Variants in PRPF38A observed in about 807,000 individuals in gnomAD.
PRPF38A encodes pre-mRNA processing factor 38A, also known as pre-mRNA-splicing factor 38A.
Under a neutral mutation model 46.8 loss-of-function variants are expected in PRPF38A, and 11 were observed. That is an observed-to-expected ratio of 0.24 (90% confidence interval 0.15 to 0.39). PRPF38A has a LOEUF of 0.39. PRPF38A is among the 10% of genes least tolerant of loss of function. The pLI, the probability that PRPF38A is intolerant of heterozygous loss-of-function variation, is 1.00. For synonymous variants in PRPF38A, 124 were observed against 136.2 expected, an observed-to-expected ratio of 0.91 and a Z score of 0.62; for missense variants, 261 against 407.5, an observed-to-expected ratio of 0.64 and a Z score of 3.10.
Position 52,413,090 on chromosome 1 carries a change from C to T in PRPF38A, c.609+466C>T, listed in dbSNP as rs537809406. ...GCCATATACTAGTAGTATAATCTTA[C>T]GCAAATTACTTAAATTTAGTTTTCT... On this transcript the variant is annotated intron_variant, in intron 5 of 9. Transcript: ENST00000257181. 5.3e-5 allele frequency among the ~76,000 whole-genome samples: 8 copies of T among 152,272 alleles called. 1 individual carries two copies. The South Asian group carries it at 1.4e-3, about 28-fold the overall frequency.
Position 52,415,400 on chromosome 1 carries a change from C to T in PRPF38A, c.896+14C>T, listed in dbSNP as rs750511267. 1 of 1,609,140 alleles carries T rather than the reference C, an allele frequency of 6.2e-7. No homozygotes were observed. On this transcript the variant is annotated intron_variant, in intron 9 of 9. Coordinates refer to ENST00000257181, the MANE Select transcript of PRPF38A (RefSeq NM_032864.4). ...GTCTCCCGAAAGGTAATGAATTGAC[C>T]TCTATTTTAACTTTACAGAAATAGT...
rs764502325 is a variant in PRPF38A, at chr1:52,405,822, C to A, written c.273C>A (p.Ile91=). 9 of 1,613,746 alleles carry A rather than the reference C, an allele frequency of 5.6e-6. 1 individual carries two copies. The South Asian group carries it at 8.8e-5, about 16-fold the overall frequency. ...AGAAGGATATCATTGTAGAGTTTAT[C>A]AAAAATGAAGATTTCAAGTGAGTGC... ...QPEKDIIVEF[I]KNEDFKYVRM... Residue 91 remains isoleucine, a synonymous_variant, in exon 2 of 10, where the codon ATC becomes ATA. Transcript: ENST00000257181.
chr1:52,407,329 T>C (rs778892239), intron 2 of PRPF38A, among the ~76,000 whole-genome samples: 1 of 152,106 alleles, frequency 6.6e-6, no homozygotes. Context: ...ACGACTCTAA[T>C]AAAGCATTAA....
At chr1:52,410,459 ATG>A (rs1179383266) in intron 3 of PRPF38A, among the ~76,000 whole-genome samples, 4 of 150,224 alleles carry the variant, frequency 2.7e-5, no homozygotes, top group Admixed American at 6.7e-5. Context: ...ATATATATAG[ATG>A]TATATATATA....
Position 52,418,265 on chromosome 1 carries a change from AG to A in PRPF38A, c.*1576del. The stretch of plus-strand genomic sequence containing the variant: ...TGAAAGAGCTCTTACGGTTTCTGAT[AG>A]AACTATATAGGACTACCTTTTAAGA... On this transcript the variant is annotated 3_prime_UTR_variant, in exon 10 of 10. Coordinates refer to ENST00000257181, the MANE Select transcript of PRPF38A (RefSeq NM_032864.4). The A allele has an allele frequency of 6.6e-6, 1 of 152,550 alleles. No individual in the cohort carries two copies. 9.4% of individuals were successfully genotyped at this position (152,550 alleles called of 1,614,324 possible).
chr1:52,411,442 A>G (rs377019628), intron 4 of PRPF38A, among the ~76,000 whole-genome samples: 5 of 152,332 alleles, frequency 3.3e-5, no homozygotes, highest in African/African-American at 1.2e-4. Context: ...GTTTTTCTCC[A>G]TCCTTTTGTA....
intron 4 of PRPF38A, among the ~76,000 whole-genome samples, chr1:52,411,778 G>C (rs1035769114): frequency 2.0e-5 from 3 of 152,124 alleles, no homozygotes; most frequent in African/African-American, 7.2e-5. Flanking sequence ...GTGTGATACA[G>C]CTCTCCTGTT....
rs1481221703 is a variant in PRPF38A at position 52,414,940 on chromosome 1, G to C, written c.847+81G>C. The C allele has an allele frequency of 1.0e-5, 13 of 1,263,590 alleles. No individual in the cohort carries two copies. The East Asian group carries it at 2.6e-4, about 25-fold the overall frequency. 78.3% of individuals were successfully genotyped at this position (1,263,590 alleles called of 1,614,324 possible). A position where few individuals can be genotyped will look rare whatever the true frequency, so the allele number is the denominator to read the frequency against. ...GTAGTTAGCCTCCTGCAGTACAGGA[G>C]TGCCTGACTGTACTGCCTAACAGAA... On this transcript the variant is annotated intron_variant, in intron 8 of 9. Coordinates refer to ENST00000257181, the MANE Select transcript of PRPF38A (RefSeq NM_032864.4).
At chr1:52,410,935 G>C (rs1296701963) in intron 3 of PRPF38A, among the ~76,000 whole-genome samples, 180 bp from the exon 4 acceptor site, 1 of 152,210 alleles carries the variant, frequency 6.6e-6, no homozygotes, top group East Asian at 1.9e-4. Flanking sequence ...ATTCAGGACT[G>C]TTTGTGCTTG....
At position 52,420,293 on chromosome 1, in the gene PRPF38A, GGAACAAA is replaced by G. The variant is rs1648427673; in HGVS notation, c.*3607_*3613del. Reference sequence around the variant, plus strand: ...AGAAATGAATCAAATTAAGGACTTAGGAACAAAGAATCAGTAAAAGGAGTGTTAGTAA... The same window carrying G: ...AGAAATGAATCAAATTAAGGACTTAGGAATCAGTAAAAGGAGTGTTAGTAA... On this transcript the variant is annotated 3_prime_UTR_variant, in exon 10 of 10. Transcript: ENST00000257181. The G allele has an allele frequency of 1.3e-5, 2 of 152,130 alleles. No homozygotes were observed. The highest frequency in any genetic ancestry group is 1.3e-4 in the Admixed American group (2 of 15,274). The allele number at this position is 152,130 out of a possible 1,614,324, so 9.4% of individuals were successfully genotyped here.
chr1:52,408,390 G>T (rs1648058811), intron 2 of PRPF38A, 179 bp from the exon 3 acceptor site: 2 of 771,392 alleles, frequency 2.6e-6, no homozygotes, highest in East Asian at 5.3e-5. Flanking sequence ...ATGGGAACTT[G>T]AACTCAGGTC....
Position 52,408,904 on chromosome 1 carries a change from C to A in PRPF38A, c.412+214C>A, listed in dbSNP as rs1390730000. ...TACCCAGCCTGCCTCTGTCTGTCTC[C>A]CTTTCCAAGTGCATCTTATGTTAAT... On this transcript the variant is annotated intron_variant, in intron 3 of 9. Transcript: ENST00000257181. 2.1e-5 allele frequency: 10 copies of A among 467,352 alleles called. No homozygotes were observed. The Admixed American group carries it at 2.6e-4, about 12-fold the overall frequency. The allele number at this position is 467,352 out of a possible 1,614,324, so 29.0% of individuals were successfully genotyped here.
intron 8 of PRPF38A, 148 bp from the exon 9 acceptor site, chr1:52,415,190 C>T: frequency 1.4e-6 from 1 of 706,188 alleles, no homozygotes; most frequent in Non-Finnish European, 2.4e-6. Context: ...CCTCTTCCTC[C>T]ACTAATTCAG....
Position 52,413,968 on chromosome 1 carries a change from G to T in PRPF38A, c.699G>T (p.Arg233Ser), listed in dbSNP as rs756971303. The T allele has an allele frequency of 1.2e-6, 2 of 1,613,562 alleles. No individual in the cohort carries two copies. Among genetic ancestry groups the T allele is most frequent in the Admixed American group, 3.3e-5 (2 of 60,006 alleles). Residue 233 changes from arginine to serine, a missense_variant, in exon 6 of 10, where the codon AGG becomes AGT. Physicochemically the swap from Arg to Ser is moderately radical, Grantham distance 110. Transcript: ENST00000257181. ...GCTCTCCCACACTGCGCTACAGGAG[G>T]AGTAGGAGCCGGTCTCCCAGAAGGT... is the stretch of plus-strand genomic sequence containing the variant. ...PRRSPTLRYR[R>S]SRSRSPRRRS...
chr1:52,416,649 T>G lies in PRPF38A; in HGVS notation c.898T>G (p.Ser300Ala). The change falls in exon 10 of 10, where the codon TCT becomes GCT. Residue 300 changes from serine (S) to alanine (A), a missense_variant and splice_region_variant. By Grantham distance (99) the Ser-to-Ala change is moderately conservative (BLOSUM62 1). This residue lies in a region of PRPF38A where 180 missense variants were observed against 221.0 expected (regional missense o/e 0.81). Coordinates refer to ENST00000257181, the MANE Select transcript of PRPF38A (RefSeq NM_032864.4). Reference sequence around the variant, plus strand: ...TATTTATATGTGTTGCCATTTCAGGTCTAAGAAGAGCCACAAGAAGAGCCG... The same window carrying G: ...TATTTATATGTGTTGCCATTTCAGGGCTAAGAAGAGCCACAAGAAGAGCCG... ...HRSHSKSPER[S>A]KKSHKKSRRG... 1 of 1,612,392 alleles carries G rather than the reference T, an allele frequency of 6.2e-7. No individual in the cohort carries two copies. Among genetic ancestry groups the G allele is most frequent in the Non-Finnish European group, 8.5e-7 (1 of 1,178,522 alleles).
At chr1:52,414,396 T>C (rs1648233115) in intron 6 of PRPF38A, among the ~76,000 whole-genome samples, 1 of 152,178 alleles carries the variant, frequency 6.6e-6, no homozygotes, top group Admixed American at 6.5e-5. Context: ...CAAATGTTTT[T>C]CCAGTATCTG....
rs2147961834 is a variant in PRPF38A, at chr1:52,419,404, C to T, written c.*2714C>T. ...GAAGAATGGGTTTGGTGAGAGGGTT[C>T]CAATATTAACAACCCAACTTCAAGC... On this transcript the variant is annotated 3_prime_UTR_variant, in exon 10 of 10. Coordinates refer to ENST00000257181, the MANE Select transcript of PRPF38A (RefSeq NM_032864.4). 6.6e-6 allele frequency: 1 copy of T among 151,024 alleles called. No individual in the cohort carries two copies. The highest frequency in any genetic ancestry group is 1.9e-4 in the East Asian group (1 of 5,130). The allele number at this position is 151,024 out of a possible 1,614,324, so 9.4% of individuals were successfully genotyped here.
At chr1:52,410,151 C>T (rs996050903) in intron 3 of PRPF38A, among the ~76,000 whole-genome samples, 1 of 132,078 alleles carries the variant, frequency 7.6e-6, no homozygotes, top group African/African-American at 2.6e-5. Flanking sequence ...TTATATATAA[C>T]ATAATTTATA....
chr1:52,415,457 C>T (rs1648263789), intron 9 of PRPF38A, 71 bp downstream of exon 9: 1 of 1,383,958 alleles, frequency 7.2e-7, no homozygotes, highest in Non-Finnish European at 1.0e-6. Context: ...CTGAAATTTT[C>T]TTGTTTTGTT....
Sources: gnomAD v4.1 joint callset for allele counts (sites outside exome capture counted in the v4.1 genomes callset) on GRCh38, gnomAD v4.1.1 for gene constraint, gnomAD v4.1.1 regional missense constraint, MANE v1.5 for transcripts, NCBI Gene and HGNC (gene_info 2026-07-23, HGNC 2026-07-21) for gene names.